CTNND2: variants seen among roughly 807,000 people sequenced by gnomAD.
CTNND2 encodes catenin delta 2, also known as catenin delta-2.
A neutral mutation model predicts 144.4 loss-of-function variants in CTNND2; 22 were observed. That is an observed-to-expected ratio of 0.15 (90% CI 0.11 to 0.22). The LOEUF is 0.22. Ranked by LOEUF, CTNND2 falls within the 10% of genes least tolerant of loss-of-function variation. The pLI, the probability that CTNND2 is intolerant of heterozygous loss-of-function variation, is 1.00. For synonymous variants in CTNND2, 751 were observed against 695.6 expected (o/e 1.08, Z -1.25); for missense variants, 1,353 against 1,618.8 (o/e 0.84, Z 2.82).
At chr5:11,591,413 C>T (rs1581575826) in intron 2 of CTNND2, among the ~76,000 whole-genome samples, 1 of 152,174 alleles carries the variant, frequency 6.6e-6, no homozygotes, top group South Asian at 2.1e-4. Flanking sequence ...CATACATTAG[C>T]TCCTAGTTAT....
chr5:11,449,496 CT>C (rs1490874983), intron 3 of CTNND2, among the ~76,000 whole-genome samples: 1 of 152,148 alleles, frequency 6.6e-6, no homozygotes, highest in Non-Finnish European at 1.5e-5. Flanking sequence ...AACATGAACG[CT>C]TAGCAGGTGG....
chr5:11,044,596 G>A (rs1321895668), intron 16 of CTNND2, among the ~76,000 whole-genome samples: 1 of 150,984 alleles, frequency 6.6e-6, no homozygotes, highest in East Asian at 1.9e-4. Flanking sequence ...TAAGTCTGAA[G>A]ATTCAGTGAT....
chr5:11,134,010 C>G (rs1348151559), intron 12 of CTNND2, among the ~76,000 whole-genome samples: 1 of 152,172 alleles, frequency 6.6e-6, no homozygotes, highest in Non-Finnish European at 1.5e-5. Flanking sequence ...GGTTGCTAAT[C>G]AGCTGACCTT....
chr5:11,601,791 T>C (rs1395313509), intron 2 of CTNND2, among the ~76,000 whole-genome samples: 1 of 152,138 alleles, frequency 6.6e-6, no homozygotes, highest in Non-Finnish European at 1.5e-5. Flanking sequence ...TAGATCAAAA[T>C]TCTTATTTGG....
chr5:11,417,387 C>G (rs1762014359), intron 3 of CTNND2, among the ~76,000 whole-genome samples: 4 of 152,108 alleles, frequency 2.6e-5, no homozygotes, highest in Admixed American at 1.3e-4. Flanking sequence ...AAGCCACAAC[C>G]TGGGAGAAAA....
rs560934653 is a variant in CTNND2 at position 11,123,227 on chromosome 5, TA to T, written c.2160-5661del. 7.4e-4 allele frequency among the ~76,000 whole-genome samples: 112 copies of T among 152,242 alleles called. 1 individual carries two copies. Among genetic ancestry groups the T allele is most frequent in the Middle Eastern group, 3.4e-3 (1 of 294 alleles). On this transcript the variant is annotated intron_variant, in intron 12 of 21. Coordinates refer to ENST00000304623, the MANE Select transcript of CTNND2 (RefSeq NM_001332.4). ...TCTGGTCCCACAAGGCGTTAGGAGG[TA>T]GGGGGGAGCATCATCTTATTTGGTT... is the stretch of plus-strand genomic sequence containing the variant.
At chr5:11,236,541 A>T in intron 10 of CTNND2, 150 bp downstream of exon 10, 1 of 872,886 alleles carries the variant, frequency 1.1e-6, no homozygotes, top group Non-Finnish European at 1.8e-6. Context: ...AATCAATTAG[A>T]TGAAACATGC....
chr5:11,724,733 T>C (rs1284689731), intron 2 of CTNND2, among the ~76,000 whole-genome samples: 4 of 152,240 alleles, frequency 2.6e-5, no homozygotes, highest in Middle Eastern at 3.2e-3. Context: ...TGATTTCCTA[T>C]AAAAACTATG....
intron 16 of CTNND2, among the ~76,000 whole-genome samples, chr5:11,072,567 A>G (rs1282734034): frequency 6.6e-6 from 1 of 152,256 alleles, no homozygotes; most frequent in African/African-American, 2.4e-5. Flanking sequence ...CCGAATTTCA[A>G]CTAATTTTCT....
intron 1 of CTNND2, among the ~76,000 whole-genome samples, chr5:11,831,242 GA>G (rs61550378): frequency 0.26 from 26,766 of 102,514 alleles, 5,010 homozygotes; most frequent in African/African-American, 0.55. Flanking sequence ...AGTATTAACA[GA>G]AAAAAAAAAA....
chr5:11,198,343 C>T (rs1466045136), intron 11 of CTNND2, among the ~76,000 whole-genome samples: 1 of 151,958 alleles, frequency 6.6e-6, no homozygotes, highest in Non-Finnish European at 1.5e-5. Flanking sequence ...AGAAAAAAAC[C>T]AATTTACATC....
chr5:11,884,698 T>C (rs988171826), intron 1 of CTNND2, among the ~76,000 whole-genome samples: 1 of 152,178 alleles, frequency 6.6e-6, no homozygotes, highest in African/African-American at 2.4e-5. Context: ...CAGTACTATC[T>C]TGAAAAAAAG....
At chr5:11,064,536 C>T (rs765628817) in intron 16 of CTNND2, among the ~76,000 whole-genome samples, 41 of 151,952 alleles carry the variant, frequency 2.7e-4, no homozygotes, top group Non-Finnish European at 4.9e-4. Context: ...TCCATGCGCT[C>T]CCTCCCCTCC....
At chr5:11,817,918 C>A (rs1793080085) in intron 1 of CTNND2, among the ~76,000 whole-genome samples, 2 of 150,430 alleles carry the variant, frequency 1.3e-5, no homozygotes, top group African/African-American at 2.4e-5. Flanking sequence ...AATTACAACT[C>A]CAGGCAAAAC....
At chr5:11,677,016 T>G (rs1374120111) in intron 2 of CTNND2, among the ~76,000 whole-genome samples, 1 of 152,234 alleles carries the variant, frequency 6.6e-6, no homozygotes, top group African/African-American at 2.4e-5. Flanking sequence ...CTTTCCTTTC[T>G]GAACTGGCTT....
At chr5:11,691,565 A>C (rs1039413998) in intron 2 of CTNND2, among the ~76,000 whole-genome samples, 2 of 151,938 alleles carry the variant, frequency 1.3e-5, no homozygotes, top group African/African-American at 2.4e-5. Flanking sequence ...CACAGTTCAG[A>C]TACAAATTAT....
chr5:11,701,026 A>G (rs770278384), intron 2 of CTNND2, among the ~76,000 whole-genome samples: 3 of 152,196 alleles, frequency 2.0e-5, no homozygotes, highest in Non-Finnish European at 4.4e-5. Flanking sequence ...TATTAAACAG[A>G]TGCTCACTTT....
chr5:11,866,490 T>C (rs1051199322), intron 1 of CTNND2, among the ~76,000 whole-genome samples: 1 of 152,180 alleles, frequency 6.6e-6, no homozygotes, highest in Non-Finnish European at 1.5e-5. Flanking sequence ...AATGGAAGTA[T>C]GGGCCAAGGT....
rs201695000 is a variant in CTNND2, at chr5:11,619,876, ATCAC to A, written c.175-54824_175-54821del. ...GGCATCCAGATTGGTGGGTATTTAA[ATCAC>A]TCACAGAAGAAAAATCATGTGATTC... On this transcript the variant is annotated intron_variant, in intron 2 of 21. Transcript: ENST00000304623. Among the ~76,000 whole-genome samples, 616 of 152,286 alleles carry A rather than the reference ATCAC, an allele frequency of 4.0e-3. 3 individuals carry two copies. The highest frequency in any genetic ancestry group is 0.014 in the African/African-American group (586 of 41,564).
Sources: allele counts gnomAD v4.1 joint callset (sites outside exome capture counted in the v4.1 genomes callset), GRCh38; gene constraint gnomAD v4.1.1; transcripts MANE v1.5; gene names NCBI Gene and HGNC (gene_info 2026-07-23, HGNC 2026-07-21).